GFPT2: variants seen among roughly 807,000 people sequenced by gnomAD.
GFPT2 encodes glutamine--fructose-6-phosphate aminotransferase [isomerizing] 2.
In GFPT2, 62 loss-of-function variants were observed where a neutral mutation model predicts 85.6. The ratio of observed to expected loss-of-function variants is 0.72; its 90% CI spans 0.59 to 0.90. The LOEUF is 0.90. GFPT2 is among the 40% of genes least tolerant of loss of function. The pLI is 0.00. For missense variants in GFPT2, 788 were observed against 893.4 expected (o/e 0.88, Z 1.50); for synonymous variants, 368 against 344.5 (o/e 1.07, Z -0.75).
At chr5:180,336,651 G>A in intron 2 of GFPT2, 74 bp from the exon 3 acceptor site, 1 of 965,192 alleles carries the variant, frequency 1.0e-6, no homozygotes, top group Non-Finnish European at 1.7e-6. Flanking sequence ...TGCTCCGCAG[G>A]GTCAGGGCTG....
At chr5:180,329,096 T>C (rs1764261565) in intron 6 of GFPT2, among the ~76,000 whole-genome samples, 2 of 152,232 alleles carry the variant, frequency 1.3e-5, no homozygotes, top group Non-Finnish European at 2.9e-5. Flanking sequence ...CTGACCATCC[T>C]GTACTAACTT....
chr5:180,338,958 T>C (rs913381670), intron 1 of GFPT2, among the ~76,000 whole-genome samples: 5 of 152,186 alleles, frequency 3.3e-5, no homozygotes, highest in African/African-American at 9.7e-5. Flanking sequence ...ATGCACTCCC[T>C]GATTTGCAGA....
At chr5:180,331,618 T>C (rs1434450798) in intron 4 of GFPT2, 65 bp from the exon 5 acceptor site, 1 of 959,376 alleles carries the variant, frequency 1.0e-6, no homozygotes, top group Non-Finnish European at 1.7e-6. Context: ...TGAAGAGAGA[T>C]GATTTCAAGG....
intron 4 of GFPT2, among the ~76,000 whole-genome samples, chr5:180,332,973 A>G (rs1202419638): frequency 6.6e-6 from 1 of 152,136 alleles, no homozygotes. Context: ...GATTTCCTCT[A>G]TTTAAAAAAA....
Position 180,307,188 on chromosome 5 carries a change from C to T in GFPT2, c.1662G>A (p.Leu554=). The T allele has an allele frequency of 1.9e-6, 3 of 1,583,348 alleles. No homozygotes were observed. Among genetic ancestry groups the T allele is most frequent in the Non-Finnish European group, 2.6e-6 (3 of 1,165,820 alleles). Residue 554 remains leucine (L), a synonymous_variant, in exon 16 of 19, where the codon CTG becomes CTA. Transcript: ENST00000253778. ...MGRGYNYATC[L]EGALKIKEIT... Reference sequence around the variant, plus strand: ...GGTGGGGGCTCACCAGGGCTCCTTCCAGGCAGGTGGCATAGTTGTAGCCCC... The same window carrying T: ...GGTGGGGGCTCACCAGGGCTCCTTCTAGGCAGGTGGCATAGTTGTAGCCCC...
chr5:180,318,491 T>G lies in GFPT2; in HGVS notation c.958+302A>C. 1 of 350,242 alleles carries G rather than the reference T, an allele frequency of 2.9e-6. No homozygotes were observed. The highest frequency in any genetic ancestry group is 4.0e-5 in the Admixed American group (1 of 25,226). The allele number at this position is 350,242 out of a possible 1,614,324, so 21.7% of individuals were successfully genotyped here. On this transcript the variant is annotated intron_variant, in intron 10 of 18. Coordinates refer to ENST00000253778, the MANE Select transcript of GFPT2 (RefSeq NM_005110.4). The surrounding 1 kb of genome is among the most constrained non-coding windows in gnomAD (Gnocchi z 4.2). ...AGACTTCCACCCAGAGGAGAAATGA[T>G]GCCTGAGGGTGGGCATGTGTCCCGC...
Position 180,313,837 on chromosome 5 carries a change from T to A in GFPT2, c.1401A>T (p.Ala467=). Residue 467 remains alanine, a synonymous_variant, in exon 14 of 19, where the codon GCA becomes GCT. Coordinates refer to ENST00000253778, the MANE Select transcript of GFPT2 (RefSeq NM_005110.4). ...TGCTGGCCACGCCGATCTCCGGCCC[T>A]GCGTTGATGTGGACGCCGCAGTCGG... ...RETDCGVHIN[A]GPEIGVASTK... is the part of the protein sequence containing the mutation. The A allele has an allele frequency of 6.3e-7, 1 of 1,585,672 alleles. No individual in the cohort carries two copies. The highest frequency in any genetic ancestry group is 8.6e-7 in the Non-Finnish European group (1 of 1,169,372).
At chr5:180,315,277 A>C (rs941933094) in intron 13 of GFPT2, among the ~76,000 whole-genome samples, 30 of 151,268 alleles carry the variant, frequency 2.0e-4, no homozygotes, top group Non-Finnish European at 1.9e-4. Context: ...TCCCGGGTTC[A>C]CGCCATTCTC....
Position 180,304,689 on chromosome 5 carries a change from C to G in GFPT2, c.1842+83G>C. ...CACTCACTGGCCAGACCATCCATCA[C>G]TGGTACTGGCAGACAGTGGTGAGGT... is the stretch of plus-strand genomic sequence containing the variant. On this transcript the variant is annotated intron_variant, in intron 17 of 18. Coordinates refer to ENST00000253778, the MANE Select transcript of GFPT2 (RefSeq NM_005110.4). 3 of 1,253,778 alleles carry G rather than the reference C, an allele frequency of 2.4e-6. 1 individual carries two copies. Among genetic ancestry groups the G allele is most frequent in the Admixed American group, 3.5e-5 (2 of 56,662 alleles). 77.7% of individuals were successfully genotyped at this position (1,253,778 alleles called of 1,614,324 possible).
At chr5:180,321,758 G>A (rs549749454) in intron 9 of GFPT2, among the ~76,000 whole-genome samples, 77 of 134,260 alleles carry the variant, frequency 5.7e-4, no homozygotes, top group Admixed American at 1.2e-3. Flanking sequence ...AAATAATATG[G>A]AGGGTTTTGT....
chr5:180,352,642 G>C (rs966891702), intron 1 of GFPT2: 2 of 443,908 alleles, frequency 4.5e-6, no homozygotes, highest in Admixed American at 2.4e-5. Context: ...ACCCTTCTAG[G>C]GACCAGACGT....
chr5:180,348,994 C>A (rs1764661049), intron 1 of GFPT2, among the ~76,000 whole-genome samples: 1 of 151,196 alleles, frequency 6.6e-6, no homozygotes, highest in Non-Finnish European at 1.5e-5. Flanking sequence ...CCCACCTCGG[C>A]CTCCCAAAGT....
intron 14 of GFPT2, 116 bp downstream of exon 14, chr5:180,313,691 G>A: frequency 2.7e-6 from 2 of 748,610 alleles, no homozygotes; most frequent in East Asian, 6.3e-5. Context: ...AAGGGGTGAG[G>A]CGGGAAGGGG....
chr5:180,338,591 G>T lies in GFPT2; in HGVS notation c.17C>A (p.Ala6Asp). The change falls in exon 2 of 19, where the codon GCC becomes GAC. Residue 6 changes from alanine (A) to aspartate (D), a missense_variant. By Grantham distance (126) the Ala-to-Asp change is moderately radical (BLOSUM62 -2). Coordinates refer to ENST00000253778, the MANE Select transcript of GFPT2 (RefSeq NM_005110.4). ...CCGGGGGACTCTGTAGTTCATGTAG[G>T]CAAAGATTCCTGTTCAAAGAGAAAA... MCGIF[A>D]YMNYRVPRTR... The T allele has an allele frequency of 1.3e-6, 2 of 1,592,086 alleles. No individual in the cohort carries two copies. The highest frequency in any genetic ancestry group is 1.7e-6 in the Non-Finnish European group (2 of 1,161,286).
At chr5:180,338,846 T>C (rs1203882280) in intron 1 of GFPT2, among the ~76,000 whole-genome samples, 1 of 152,198 alleles carries the variant, frequency 6.6e-6, no homozygotes, top group African/African-American at 2.4e-5. Flanking sequence ...ACTTATCCTA[T>C]GCTGTACTTG....
chr5:180,317,570 TA>T (rs1316485771), intron 10 of GFPT2, among the ~76,000 whole-genome samples: 10 of 145,350 alleles, frequency 6.9e-5, no homozygotes, highest in Non-Finnish European at 2.9e-5. Flanking sequence ...CCATCCCGGC[TA>T]AAACAGTGAA....
chr5:180,350,687 AG>A (rs150547301), intron 1 of GFPT2, among the ~76,000 whole-genome samples: 28,315 of 152,176 alleles, frequency 0.19, 2,949 homozygotes, highest in East Asian at 0.26. Flanking sequence ...GCAGAAAGTC[AG>A]CAAAATGCCA....
At chr5:180,321,624 TG>T (rs1441710543) in intron 9 of GFPT2, among the ~76,000 whole-genome samples, 4 of 152,274 alleles carry the variant, frequency 2.6e-5, no homozygotes, top group African/African-American at 9.6e-5. Context: ...GCCCAAAAGC[TG>T]GACAGTGTGC....
intron 1 of GFPT2, among the ~76,000 whole-genome samples, chr5:180,339,793 C>T (rs1331176522): frequency 2.0e-5 from 3 of 152,264 alleles, no homozygotes; most frequent in African/African-American, 7.2e-5. Flanking sequence ...TCATGGGACA[C>T]CCACAGTCCC....
Sources: gnomAD v4.1 joint callset for allele counts (sites outside exome capture counted in the v4.1 genomes callset) on GRCh38, gnomAD v4.1.1 for gene constraint, Gnocchi (gnomAD v3.1) non-coding constraint, MANE v1.5 for transcripts, NCBI Gene and HGNC (gene_info 2026-07-23, HGNC 2026-07-21) for gene names.